The following CDC42BPA variants were observed in gnomAD, a reference collection of about 807,000 sequenced individuals.
The protein encoded by CDC42BPA is CDC42 binding protein kinase alpha, also known as serine/threonine-protein kinase MRCK alpha.
A neutral mutation model predicts 223.5 loss-of-function variants in CDC42BPA; 80 were observed. That is an observed-to-expected ratio of 0.36 (90% CI 0.30 to 0.43). The LOEUF (loss-of-function observed/expected upper bound fraction) is 0.43. Ranked by LOEUF, CDC42BPA falls within the 20% of genes least tolerant of loss-of-function variation. The probability of loss-of-function intolerance (pLI) is 1.00; values close to 1 mark genes in which losing one functional copy is unlikely to be tolerated. For missense variants in CDC42BPA, 1,743 were observed against 2,099.9 expected, an observed-to-expected ratio of 0.83 and a Z score of 3.32; for synonymous variants, 694 against 718.6, an observed-to-expected ratio of 0.97 and a Z score of 0.55.
chr1:227,101,113 T>C lies in CDC42BPA; in HGVS notation c.2128A>G (p.Ile710Val), dbSNP rs1327219853. Residue 710 changes from isoleucine (I) to valine (V), a missense_variant, in exon 15 of 37, where the codon ATA becomes GTA. This residue lies in a region of CDC42BPA where 464 missense variants were observed against 488.0 expected (regional missense o/e 0.95). Coordinates refer to ENST00000366766, the MANE Select transcript of CDC42BPA (RefSeq NM_001394014.1). Reference protein sequence around the residue: ...YEEELSKREGIHANEIKNLKK... With the variant: ...YEEELSKREGVHANEIKNLKK... ...AGATTTTTTATTTCATTTGCATGTA[T>C]TCCTTCTCTTTTAGATAATTCTTCT... The C allele has an allele frequency of 1.3e-6, 2 of 1,578,066 alleles. No individual in the cohort carries two copies. The highest frequency in any genetic ancestry group is 1.7e-6 in the Non-Finnish European group (2 of 1,148,002).
At position 227,313,199 on chromosome 1, in the gene CDC42BPA, T is replaced by C. The variant is rs374109365; in HGVS notation, c.178+3806A>G. On this transcript the variant is annotated intron_variant, in intron 1 of 36. Coordinates refer to ENST00000366766, the MANE Select transcript of CDC42BPA (RefSeq NM_001394014.1). ...TTCCTAAAAACAAAAAAATTACTAA[T>C]GAACATCAAGTATTTCAAAGACTTT... Among the ~76,000 whole-genome samples, 66 of 152,266 alleles carry C rather than the reference T, an allele frequency of 4.3e-4. No individual in the cohort carries two copies. The East Asian group carries it at 8.5e-3, about 20-fold the overall frequency.
At position 227,073,886 on chromosome 1, in the gene CDC42BPA, C is replaced by A; in HGVS notation, c.2713G>T (p.Ala905Ser). 6.2e-7 allele frequency: 1 copy of A among 1,603,440 alleles called. No individual in the cohort carries two copies. Among genetic ancestry groups the A allele is most frequent in the Non-Finnish European group, 8.5e-7 (1 of 1,176,790 alleles). ...AIQEELNKVK[A>S]SNIITECKLK... ...TACCATTCTGTTATGATATTAGATG[C>A]TTTAACTTTATTCAACTCTTCTTGG... Residue 905 changes from alanine to serine, a missense_variant, in exon 19 of 37, where the codon GCA becomes TCA. This residue lies in a region of CDC42BPA where 678 missense variants were observed against 777.5 expected (regional missense o/e 0.87). Coordinates refer to ENST00000366766, the MANE Select transcript of CDC42BPA (RefSeq NM_001394014.1).
chr1:227,168,467 A>G (rs1377143298), intron 5 of CDC42BPA, among the ~76,000 whole-genome samples: 1 of 135,202 alleles, frequency 7.4e-6, no homozygotes, highest in Non-Finnish European at 1.6e-5. Flanking sequence ...GAACCTTGAC[A>G]TGGCCTTTTT....
intron 6 of CDC42BPA, among the ~76,000 whole-genome samples, chr1:227,153,473 T>C (rs1244860338): frequency 6.6e-6 from 1 of 151,912 alleles, no homozygotes. Flanking sequence ...GGAAAATATT[T>C]AGAATTGAAC....
At chr1:227,187,672 AC>A (rs150262459) in intron 5 of CDC42BPA, among the ~76,000 whole-genome samples, 6 of 39,596 alleles carry the variant, frequency 1.5e-4, no homozygotes, top group Non-Finnish European at 1.8e-4. Context: ...GATAAATGGC[AC>A]CCCCCACCCC....
intron 17 of CDC42BPA, among the ~76,000 whole-genome samples, chr1:227,079,824 T>C (rs915648791): frequency 7.9e-5 from 12 of 152,058 alleles, no homozygotes; most frequent in African/African-American, 2.9e-4. Context: ...ATCCTTTACA[T>C]GAAATGCTTG....
At position 227,034,693 on chromosome 1, in the gene CDC42BPA, A is replaced by G. The variant is rs1019560840; in HGVS notation, c.3438T>C (p.Ser1146=). 10 of 1,613,754 alleles carry G rather than the reference A, an allele frequency of 6.2e-6. No individual in the cohort carries two copies. Among genetic ancestry groups the G allele is most frequent in the Admixed American group, 5.0e-5 (3 of 60,016 alleles). The change falls in exon 26 of 37, where the codon TCT becomes TCC. Residue 1146 remains serine (S), a synonymous_variant. Coordinates refer to ENST00000366766, the MANE Select transcript of CDC42BPA (RefSeq NM_001394014.1). ...CTTGACTAATGACAACACTGGGCTG[A>G]GATGCTTTTCCTTCAGCAATATCGT... ...FLYDIAEGKA[S]QPSVVISQVI... is the part of the protein sequence containing the mutation.
chr1:227,193,028 A>T (rs1160891596), intron 5 of CDC42BPA, among the ~76,000 whole-genome samples: 1 of 151,280 alleles, frequency 6.6e-6, no homozygotes. Context: ...GTTTTTTAAG[A>T]AGTGATTTCT....
At chr1:227,212,663 A>T (rs1415275959) in intron 3 of CDC42BPA, among the ~76,000 whole-genome samples, 1 of 152,192 alleles carries the variant, frequency 6.6e-6, no homozygotes, top group African/African-American at 2.4e-5. Context: ...TTCTTCCATT[A>T]CTAGATTTTA....
At chr1:227,154,224 T>A (rs573790208) in intron 6 of CDC42BPA, among the ~76,000 whole-genome samples, 2 of 151,988 alleles carry the variant, frequency 1.3e-5, no homozygotes, top group Admixed American at 6.5e-5. Context: ...ACCAGAATCA[T>A]AACAAAAAAA....
intron 1 of CDC42BPA, among the ~76,000 whole-genome samples, chr1:227,312,797 G>GTTC (rs61481865): frequency 0.31 from 46,582 of 151,836 alleles, 7,300 homozygotes; most frequent in East Asian, 0.36. Flanking sequence ...TCCCCTTTGT[G>GTTC]TTGTGATAGT....
intron 5 of CDC42BPA, among the ~76,000 whole-genome samples, chr1:227,177,408 T>G (rs1057475204): frequency 2.0e-5 from 3 of 152,202 alleles, no homozygotes; most frequent in African/African-American, 7.2e-5. Context: ...CTCTCAATAC[T>G]CTGAAGATGT....
At chr1:227,149,653 TAATA>T (rs992492185) in intron 6 of CDC42BPA, among the ~76,000 whole-genome samples, 9 of 152,024 alleles carry the variant, frequency 5.9e-5, no homozygotes, top group African/African-American at 2.2e-4. Flanking sequence ...AAAATAAACG[TAATA>T]AATAGGTAAA....
chr1:227,281,479 T>C (rs1688006172), intron 1 of CDC42BPA, among the ~76,000 whole-genome samples: 2 of 152,264 alleles, frequency 1.3e-5, no homozygotes, highest in South Asian at 2.1e-4. Flanking sequence ...TTGGATCCCA[T>C]GGTCCAGTAG....
intron 10 of CDC42BPA, among the ~76,000 whole-genome samples, chr1:227,134,879 G>C (rs1402019548): frequency 2.6e-5 from 4 of 152,266 alleles, no homozygotes; most frequent in Non-Finnish European, 5.9e-5. Flanking sequence ...TAAGGGGATG[G>C]ACTAGGAAGC....
chr1:227,274,751 T>C (rs557871403), intron 1 of CDC42BPA, among the ~76,000 whole-genome samples: 101 of 151,822 alleles, frequency 6.7e-4, no homozygotes, highest in Non-Finnish European at 1.2e-3. Flanking sequence ...GTAAATAATA[T>C]CCAAATAAAG....
At chr1:227,294,201 G>A (rs1440629327) in intron 1 of CDC42BPA, among the ~76,000 whole-genome samples, 1 of 151,904 alleles carries the variant, frequency 6.6e-6, no homozygotes, top group Admixed American at 6.6e-5. Context: ...GAACCCGGGA[G>A]GCAGAGCTTG....
rs1396533181 is a variant in CDC42BPA at position 227,072,289 on chromosome 1, C to T, written c.2746G>A (p.Asp916Asn). The change falls in exon 20 of 37, where the codon GAT becomes AAT. Residue 916 changes from aspartate to asparagine, a missense_variant. This residue lies in a region of CDC42BPA where 678 missense variants were observed against 777.5 expected (regional missense o/e 0.87). Coordinates refer to ENST00000366766, the MANE Select transcript of CDC42BPA (RefSeq NM_001394014.1). ...SNIITECKLK[D>N]SEKKNLELLS... ...AGTTCCAAGTTCTTCTTCTCTGAATCTTTTAGTTTACTTAAATAAGGAGAA... is the reference window on the plus strand; with the variant it reads ...AGTTCCAAGTTCTTCTTCTCTGAATTTTTTAGTTTACTTAAATAAGGAGAA... 1 of 1,590,000 alleles carries T rather than the reference C, an allele frequency of 6.3e-7. No homozygotes were observed.
At chr1:227,026,953 G>T (rs1033405364) in intron 30 of CDC42BPA, among the ~76,000 whole-genome samples, 1 of 152,024 alleles carries the variant, frequency 6.6e-6, no homozygotes, top group African/African-American at 2.4e-5. Flanking sequence ...ACTACACCTG[G>T]CTAATTAAAG....
Sources: gnomAD v4.1 joint callset for allele counts (sites outside exome capture counted in the v4.1 genomes callset) on GRCh38, gnomAD v4.1.1 for gene constraint, gnomAD v4.1.1 regional missense constraint, MANE v1.5 for transcripts, NCBI Gene and HGNC (gene_info 2026-07-23, HGNC 2026-07-21) for gene names.